ADARB2: variants seen among roughly 807,000 people sequenced by gnomAD.
ADARB2 encodes adenosine deaminase RNA specific B2 (inactive).
Under a neutral mutation model 62.2 loss-of-function variants are expected in ADARB2, and 25 were observed. The observed-to-expected ratio is 0.40, with a 90% confidence interval of 0.29 to 0.56. The LOEUF is 0.56. ADARB2 is among the 20% of genes least tolerant of loss of function. The pLI is 0.43. For missense variants in ADARB2, 1,071 were observed against 1,077.4 expected (o/e 0.99, Z 0.08); for synonymous variants, 572 against 500.8 (o/e 1.14, Z -1.90).
At chr10:1,210,014 A>G (rs538109028) in intron 7 of ADARB2, among the ~76,000 whole-genome samples, 9 of 151,574 alleles carry the variant, frequency 5.9e-5, no homozygotes, top group Admixed American at 5.9e-4. Context: ...TTATTCATGG[A>G]ATTCCGTACC....
chr10:1,633,699 T>C (rs891585402), intron 1 of ADARB2, among the ~76,000 whole-genome samples: 5 of 152,162 alleles, frequency 3.3e-5, no homozygotes, highest in African/African-American at 1.2e-4. Context: ...CTATCTTATA[T>C]TGAATAATGC....
intron 1 of ADARB2, among the ~76,000 whole-genome samples, chr10:1,447,507 T>C (rs1210879316): frequency 1.3e-5 from 2 of 152,200 alleles, no homozygotes; most frequent in Non-Finnish European, 2.9e-5. Context: ...AGTCCAGCCA[T>C]ACAGCTTCTG....
rs10526252 is a variant in ADARB2, at chr10:1,544,956, T to TATACACACACACACACACACACACACAC, written c.101-165797_101-165796insGTGTGTGTGTGTGTGTGTGTGTGTGTAT. 5.7e-3 allele frequency among the ~76,000 whole-genome samples: 764 copies of TATACACACACACACACACACACACACAC among 133,890 alleles called. 19 individuals carry two copies. The highest frequency in any genetic ancestry group is 0.016 in the Middle Eastern group (4 of 256). The allele number at this position is 133,890 out of a possible 152,430, so 87.8% of individuals were successfully genotyped here. Reference sequence around the variant, plus strand: ...ATGTGAAGTCTATAATAGCAAAGTATACACACACACACACACACACACACA... The same window carrying TATACACACACACACACACACACACACAC: ...ATGTGAAGTCTATAATAGCAAAGTATATACACACACACACACACACACACACACACACACACACACACACACACACACA... On this transcript the variant is annotated intron_variant, in intron 1 of 9. Transcript: ENST00000381312.
rs116217325 is a variant in ADARB2 at position 1,348,145 on chromosome 10, C to T, written c.1077+14883G>A. 5.3e-4 allele frequency among the ~76,000 whole-genome samples: 80 copies of T among 152,230 alleles called. 1 individual carries two copies. Among genetic ancestry groups the T allele is most frequent in the East Asian group, 2.7e-3 (14 of 5,182 alleles). ...CTGTGGTGCAGTGATTTGCTGAGCACGGGGTGTGCCCTGCATTGCTGGGGG... is the reference window on the plus strand; with the variant it reads ...CTGTGGTGCAGTGATTTGCTGAGCATGGGGTGTGCCCTGCATTGCTGGGGG... On this transcript the variant is annotated intron_variant, in intron 3 of 9. Coordinates refer to ENST00000381312, the MANE Select transcript of ADARB2 (RefSeq NM_018702.4).
rs1486004386 is a variant in ADARB2 at position 1,181,071 on chromosome 10, C to T, written c.*2122G>A. The T allele has an allele frequency of 6.6e-6, 1 of 152,240 alleles. No homozygotes were observed. The highest frequency in any genetic ancestry group is 6.5e-5 in the Admixed American group (1 of 15,288). The allele number at this position is 152,240 out of a possible 1,614,324, so 9.4% of individuals were successfully genotyped here. A position where few individuals can be genotyped will look rare whatever the true frequency, so the allele number is the denominator to read the frequency against. On this transcript the variant is annotated 3_prime_UTR_variant, in exon 10 of 10. Transcript: ENST00000381312. ...GTGAAATCTGCTTACAACACAGGCC[C>T]CCTCGCTGCAGAAACAGCGTGATTT...
intron 1 of ADARB2, among the ~76,000 whole-genome samples, chr10:1,586,207 AC>A (rs1300446516): frequency 6.6e-6 from 1 of 152,102 alleles, no homozygotes; most frequent in Non-Finnish European, 1.5e-5. Flanking sequence ...TCTGTTCACA[AC>A]CCCCAAATTA....
At chr10:1,632,341 G>GC (rs1175031819) in intron 1 of ADARB2, among the ~76,000 whole-genome samples, 3 of 151,874 alleles carry the variant, frequency 2.0e-5, no homozygotes, top group Admixed American at 6.6e-5. Context: ...GCACACACAT[G>GC]CACACACAGT....
chr10:1,213,522 C>T (rs1253377760), intron 7 of ADARB2, among the ~76,000 whole-genome samples: 1 of 152,184 alleles, frequency 6.6e-6, no homozygotes, highest in Non-Finnish European at 1.5e-5. Flanking sequence ...CACTGCACCC[C>T]TGTCCTGTCA....
At chr10:1,663,252 C>T (rs1564361626) in intron 1 of ADARB2, among the ~76,000 whole-genome samples, 1 of 152,216 alleles carries the variant, frequency 6.6e-6, no homozygotes, top group Non-Finnish European at 1.5e-5. Context: ...ATCTTGCATC[C>T]ATGTGCGCAT....
chr10:1,461,827 C>A (rs1831178299), intron 1 of ADARB2, among the ~76,000 whole-genome samples: 2 of 152,024 alleles, frequency 1.3e-5, no homozygotes, highest in African/African-American at 2.4e-5. Context: ...TGGTGAAACA[C>A]CCTCTCTACT....
chr10:1,206,498 CGTGCCTGTGTGGTCTG>C (rs1564220074), intron 7 of ADARB2, among the ~76,000 whole-genome samples: 4 of 150,492 alleles, frequency 2.7e-5, no homozygotes, highest in African/African-American at 9.8e-5. Context: ...GTCTCCTCCT[CGTGCCTGTGTGGTCTG>C]AGAGAACTGC....
intron 4 of ADARB2, among the ~76,000 whole-genome samples, chr10:1,263,620 G>C (rs1190218538): frequency 1.3e-5 from 2 of 152,196 alleles, no homozygotes; most frequent in Non-Finnish European, 2.9e-5. Flanking sequence ...TTTGATTGGA[G>C]TACTAGACCT....
At chr10:1,531,056 G>A (rs1832228334) in intron 1 of ADARB2, among the ~76,000 whole-genome samples, 1 of 152,222 alleles carries the variant, frequency 6.6e-6, no homozygotes, top group Non-Finnish European at 1.5e-5. Flanking sequence ...CTCGAATGAG[G>A]CTTTTGGACA....
At chr10:1,657,400 T>A (rs61834206) in intron 1 of ADARB2, among the ~76,000 whole-genome samples, 2 of 152,170 alleles carry the variant, frequency 1.3e-5, no homozygotes, top group Non-Finnish European at 2.9e-5. Flanking sequence ...TTTTTTATGT[T>A]TAAAATTCCT....
rs137880615 is a variant in ADARB2, at chr10:1,676,609, G to A, written c.100+60442C>T. Among the ~76,000 whole-genome samples, 1,083 of 151,982 alleles carry A rather than the reference G, an allele frequency of 7.1e-3. 17 individuals are homozygous for A. The highest frequency in any genetic ancestry group is 0.025 in the African/African-American group (1,018 of 41,424). On this transcript the variant is annotated intron_variant, in intron 1 of 9. Transcript: ENST00000381312. ...TGGGCTCAAGCAATCCTCCTACCTC[G>A]GCCTCTGGAGTAGCTGGGACTACAG...
intron 1 of ADARB2, among the ~76,000 whole-genome samples, chr10:1,554,031 G>A (rs867035641): frequency 2.6e-5 from 4 of 152,200 alleles, no homozygotes; most frequent in African/African-American, 7.2e-5. Context: ...GCTCTGCTCC[G>A]TCCTCTCAGG....
At chr10:1,630,801 C>CA (rs1833832517) in intron 1 of ADARB2, among the ~76,000 whole-genome samples, 1 of 151,870 alleles carries the variant, frequency 6.6e-6, no homozygotes, top group Non-Finnish European at 1.5e-5. Context: ...CTAAAAGTAC[C>CA]AAAATTAGCC....
intron 1 of ADARB2, among the ~76,000 whole-genome samples, chr10:1,517,785 G>A (rs1017762151): frequency 7.9e-5 from 12 of 152,114 alleles, no homozygotes; most frequent in Non-Finnish European, 1.5e-4. Context: ...TTTGTCTTCG[G>A]TCGTATGATC....
intron 1 of ADARB2, among the ~76,000 whole-genome samples, chr10:1,546,338 C>G (rs1832519348): frequency 6.6e-6 from 1 of 152,236 alleles, no homozygotes; most frequent in African/African-American, 2.4e-5. Context: ...GGTGTTTCGG[C>G]AACAGGTTCC....
Sources: gnomAD v4.1 joint callset for allele counts (sites outside exome capture counted in the v4.1 genomes callset) on GRCh38, gnomAD v4.1.1 for gene constraint, MANE v1.5 for transcripts, NCBI Gene and HGNC (gene_info 2026-07-23, HGNC 2026-07-21) for gene names.